Variants in PNOC observed in about 807,000 individuals in gnomAD.
PNOC encodes the protein prepronociceptin.
In PNOC, 10 loss-of-function variants were observed where a neutral mutation model predicts 15.6. The ratio of observed to expected loss-of-function variants is 0.64; its 90% confidence interval spans 0.40 to 1.09. The LOEUF (loss-of-function observed/expected upper bound fraction) is 1.09, where lower values mean the gene tolerates loss of function less well. Ranked by LOEUF, PNOC falls within the 50% of genes least tolerant of loss-of-function variation. The pLI, the probability that PNOC is intolerant of heterozygous loss-of-function variation, is 0.01. For missense variants in PNOC, 220 were observed against 223.9 expected, an observed-to-expected ratio of 0.98 and a Z score of 0.11; for synonymous variants, 98 against 88.5, an observed-to-expected ratio of 1.11 and a Z score of -0.60.
chr8:28,340,175 G>C (rs1469976960), intron 3 of PNOC: 1 of 152,166 alleles, frequency 6.6e-6, no homozygotes, highest in Non-Finnish European at 1.5e-5. Context: ...TGGTCCAATG[G>C]ACCTAGTAGC....
chr8:28,327,452 G>A (rs1052910207), intron 1 of PNOC, among the ~76,000 whole-genome samples: 3 of 152,184 alleles, frequency 2.0e-5, no homozygotes, highest in Admixed American at 2.0e-4. Context: ...GCTTGGCCTG[G>A]AATGCCAAGG....
Position 28,339,747 on chromosome 8 carries a change from C to T in PNOC, c.*47+256C>T, listed in dbSNP as rs535374378. ...TAGTATGTTAAGATAACTAATTCCTCTATCACTCCCCAGGAGCTTAGTTAC... is the reference window on the plus strand; with the variant it reads ...TAGTATGTTAAGATAACTAATTCCTTTATCACTCCCCAGGAGCTTAGTTAC... On this transcript the variant is annotated intron_variant, in intron 3 of 3. Transcript: ENST00000301908. 1,001 of 261,514 alleles carry T rather than the reference C, an allele frequency of 3.8e-3. 4 individuals carry two copies. The highest frequency in any genetic ancestry group is 5.2e-3 in the Non-Finnish European group (726 of 138,524). The allele number at this position is 261,514 out of a possible 1,614,324, so 16.2% of individuals were successfully genotyped here.
rs143339414 is a variant in PNOC at position 28,333,470 on chromosome 8, G to A, written c.126+4187G>A. Among the ~76,000 whole-genome samples, 483 of 152,222 alleles carry A rather than the reference G, an allele frequency of 3.2e-3. 2 individuals are homozygous for A. The highest frequency in any genetic ancestry group is 0.011 in the African/African-American group (457 of 41,542). ...CTGGAAAAAGGCTGGTGAGTTCCCCGCACCAGAGGGTCAGGCATTAAGCTC... is the reference window on the plus strand; with the variant it reads ...CTGGAAAAAGGCTGGTGAGTTCCCCACACCAGAGGGTCAGGCATTAAGCTC... On this transcript the variant is annotated intron_variant, in intron 2 of 3. Coordinates refer to ENST00000301908, the MANE Select transcript of PNOC (RefSeq NM_006228.5).
Position 28,339,288 on chromosome 8 carries a change from G to A in PNOC, c.375G>A (p.Gln125=). The A allele has an allele frequency of 6.2e-7, 1 of 1,611,316 alleles. No homozygotes were observed. Among genetic ancestry groups the A allele is most frequent in the African/African-American group, 1.3e-5 (1 of 75,000 alleles). The change falls in exon 3 of 4, where the codon CAG becomes CAA. Residue 125 remains glutamine, a synonymous_variant. Transcript: ENST00000301908. ...AGGCTGGTGAGATGGAGCAGAAGCA[G>A]CTGCAGAAGAGATTTGGGGGCTTCA... is the stretch of plus-strand genomic sequence containing the variant. ...MEEAGEMEQK[Q]LQKRFGGFTG... is the part of the protein sequence containing the mutation.
In PNOC at chr8:28,329,292, C is replaced by T. The variant is rs1051300399; in HGVS notation, c.126+9C>T. 2 of 1,612,524 alleles carry T rather than the reference C, an allele frequency of 1.2e-6. No homozygotes were observed. The highest frequency in any genetic ancestry group is 1.7e-6 in the Non-Finnish European group (2 of 1,179,990). The stretch of plus-strand genomic sequence containing the variant: ...ACAGCTTCGACCTGGAGGTAGGTCT[C>T]CAAGGCAAGGCAGAGAGGCTGTCCT... On this transcript the variant is annotated intron_variant, in intron 2 of 3. Coordinates refer to ENST00000301908, the MANE Select transcript of PNOC (RefSeq NM_006228.5).
In PNOC at chr8:28,339,357, G is replaced by A. The variant is rs1801473649; in HGVS notation, c.444G>A (p.Arg148=). ...CCAGGAAGTTGGCCAATCAGAAGCGGTTCAGTGAGTTTATGAGGCAATACT... is the reference window on the plus strand; with the variant it reads ...CCAGGAAGTTGGCCAATCAGAAGCGATTCAGTGAGTTTATGAGGCAATACT... ...KSARKLANQK[R]FSEFMRQYLV... The change falls in exon 3 of 4, where the codon CGG becomes CGA. Residue 148 remains arginine, a synonymous_variant. Transcript: ENST00000301908. The A allele has an allele frequency of 6.2e-7, 1 of 1,607,972 alleles. No homozygotes were observed.
chr8:28,329,110 T>G (rs1275838475), intron 1 of PNOC, 25 bp from the exon 2 acceptor site: 1 of 1,609,620 alleles, frequency 6.2e-7, no homozygotes, highest in Non-Finnish European at 8.5e-7. Flanking sequence ...GCTGTACTCA[T>G]TGCCATGCTT....
intron 2 of PNOC, 180 bp from the exon 3 acceptor site, chr8:28,338,860 T>C (rs1044923832): frequency 1.9e-6 from 2 of 1,051,238 alleles, no homozygotes; most frequent in Admixed American, 3.4e-5. Context: ...TGATTCTCTG[T>C]TTGTTTCCAA....
intron 2 of PNOC, among the ~76,000 whole-genome samples, chr8:28,335,821 G>A (rs180885903): frequency 1.0e-3 from 153 of 152,174 alleles, no homozygotes; most frequent in Middle Eastern, 6.8e-3. Context: ...GAGCCACTGC[G>A]CCTAGCCGAA....
At chr8:28,317,073 G>A (rs1403392054), upstream of PNOC, 1 of 152,424 alleles carries the variant, frequency 6.6e-6, no homozygotes, top group East Asian at 1.9e-4. Flanking sequence ...GCTTGAGAAT[G>A]GATTGATGGG....
intron 1 of PNOC, among the ~76,000 whole-genome samples, chr8:28,323,094 T>G (rs1408128722): frequency 6.6e-6 from 1 of 152,220 alleles, no homozygotes. Context: ...TCAATTAGGG[T>G]CCAGCTTCGG....
chr8:28,335,918 GGAAAAAAA>G (rs1563330360), intron 2 of PNOC, among the ~76,000 whole-genome samples: 1 of 73,150 alleles, frequency 1.4e-5, no homozygotes, highest in Admixed American at 1.3e-4. Context: ...TGTCTCCAAA[GGAAAAAAA>G]AAAAAGAATA....
intron 1 of PNOC, among the ~76,000 whole-genome samples, chr8:28,320,355 T>C (rs1801129744): frequency 1.3e-5 from 2 of 152,014 alleles, no homozygotes; most frequent in African/African-American, 4.8e-5. Context: ...GGGTTCCTGA[T>C]AGGAGCCACA....
chr8:28,342,643 T>G (rs575229187), intron 3 of PNOC, among the ~76,000 whole-genome samples: 2 of 152,334 alleles, frequency 1.3e-5, no homozygotes, highest in South Asian at 4.1e-4. Context: ...AAGGGCACTA[T>G]TTCGCATGGG....
chr8:28,330,398 T>TA lies in PNOC; in HGVS notation c.126+1115_126+1116insA, dbSNP rs1207908045. On this transcript the variant is annotated intron_variant, in intron 2 of 3. Transcript: ENST00000301908. ...TTTATTTTATTTTATTTTATTTTAT[T>TA]TTTTTTTTTTTTTTGAGACGGAGTC... 3.5e-4 allele frequency among the ~76,000 whole-genome samples: 35 copies of TA among 100,720 alleles called. 1 individual carries two copies. Among genetic ancestry groups the TA allele is most frequent in the Admixed American group, 1.0e-3 (10 of 9,844 alleles). 66.1% of individuals were successfully genotyped at this position (100,720 alleles called of 152,430 possible).
chr8:28,323,615 T>C lies in PNOC; in HGVS notation c.-23-5520T>C, dbSNP rs1266965862. ...TGACCATCTCAGGACTTGTCTGCAG[T>C]CACACAGGTCCACAGTGTAAGGTTT... On this transcript the variant is annotated intron_variant, in intron 1 of 3. Transcript: ENST00000301908. Among the ~76,000 whole-genome samples, 4 of 152,236 alleles carry C rather than the reference T, an allele frequency of 2.6e-5. No individual in the cohort carries two copies. The East Asian group carries it at 7.7e-4, about 29-fold the overall frequency.
chr8:28,331,712 GT>G (rs972032922), intron 2 of PNOC, among the ~76,000 whole-genome samples: 1 of 152,154 alleles, frequency 6.6e-6, no homozygotes, highest in Admixed American at 6.5e-5. Flanking sequence ...CAGATTAAGT[GT>G]CCTCTGGTAA....
chr8:28,337,682 AC>A (rs1215688974), intron 2 of PNOC, among the ~76,000 whole-genome samples: 1 of 142,556 alleles, frequency 7.0e-6, no homozygotes, highest in Non-Finnish European at 1.5e-5. Flanking sequence ...TCCCGGGTTC[AC>A]GCCATTCTCC....
At chr8:28,330,400 T>TATTTTATTTTATTTA (rs1431540071) in intron 2 of PNOC, among the ~76,000 whole-genome samples, 3 of 102,246 alleles carry the variant, frequency 2.9e-5, no homozygotes, top group Non-Finnish European at 6.1e-5. Flanking sequence ...TATTTTATTT[T>TATTTTATTTTATTTA]TTTTTTTTTT....
Sources: allele counts gnomAD v4.1 joint callset (sites outside exome capture counted in the v4.1 genomes callset), GRCh38; gene constraint gnomAD v4.1.1; transcripts MANE v1.5; gene names NCBI Gene and HGNC (gene_info 2026-07-23, HGNC 2026-07-21).